LARS2: variants seen among roughly 807,000 people sequenced by gnomAD.
LARS2 encodes leucine--tRNA ligase, mitochondrial.
A neutral mutation model predicts 116.6 loss-of-function variants in LARS2; 81 were observed. That is an observed-to-expected ratio of 0.69 (90% CI 0.58 to 0.84). The LOEUF (loss-of-function observed/expected upper bound fraction) is 0.84. LARS2 is among the 40% of genes least tolerant of loss of function. The pLI is 0.00. For missense variants in LARS2, 968 were observed against 1,114.5 expected (o/e 0.87, Z 1.87); for synonymous variants, 396 against 407.2 (o/e 0.97, Z 0.33).
At chr3:45,535,763 CACACCCCCACACCCACAT>C (rs1451694053) in intron 20 of LARS2, among the ~76,000 whole-genome samples, 16 of 36,444 alleles carry the variant, frequency 4.4e-4, no homozygotes, top group African/African-American at 6.7e-4. Context: ...CACACACACA[CACACCCCCACACCCACAT>C]ACACACACAT....
At chr3:45,410,225 C>G (rs1210761971) in intron 4 of LARS2, among the ~76,000 whole-genome samples, 2 of 151,972 alleles carry the variant, frequency 1.3e-5, no homozygotes, top group Non-Finnish European at 2.9e-5. Flanking sequence ...GAATTTAAAG[C>G]ACAGCTGGAA....
Position 45,517,910 on chromosome 3 carries a change from T to C in LARS2, c.2052T>C (p.Ala684=). 6.2e-7 allele frequency: 1 copy of C among 1,611,252 alleles called. No individual in the cohort carries two copies. The highest frequency in any genetic ancestry group is 8.5e-7 in the Non-Finnish European group (1 of 1,178,926). The change falls in exon 18 of 22, where the codon GCT becomes GCC. Residue 684 remains alanine (A), a synonymous_variant. Coordinates refer to ENST00000645846, the MANE Select transcript of LARS2 (RefSeq NM_015340.4). ...KDILWDVKTD[A]LPGVLRWQQR... Reference sequence around the variant, plus strand: ...TACTGATGCTGAATTCAGCTGATGCTCTCCCTGGGGTGCTGAGATGGCAAC... The same window carrying C: ...TACTGATGCTGAATTCAGCTGATGCCCTCCCTGGGGTGCTGAGATGGCAAC...
chr3:45,547,765 T>C lies in LARS2; in HGVS notation c.*235T>C. 2.3e-6 allele frequency: 1 copy of C among 427,942 alleles called. No homozygotes were observed. The highest frequency in any genetic ancestry group is 4.1e-6 in the Non-Finnish European group (1 of 241,308). The allele number at this position is 427,942 out of a possible 1,614,324, so 26.5% of individuals were successfully genotyped here. On this transcript the variant is annotated 3_prime_UTR_variant, in exon 22 of 22. Transcript: ENST00000645846. ...GAGCTACTGAGGAGGGGGTTGGACA[T>C]CCTGCCCCTCACCCCCCACCCACAC... is the stretch of plus-strand genomic sequence containing the variant.
At position 45,417,533 on chromosome 3, in the gene LARS2, G is replaced by A. The variant is rs150836537; in HGVS notation, c.415G>A (p.Ala139Thr). Reference sequence around the variant, plus strand: ...TTTTGGATTGCCTGCTGAAAATGCCGCAGTCGAGAGGAATCTACATCCACA... The same window carrying A: ...TTTTGGATTGCCTGCTGAAAATGCCACAGTCGAGAGGAATCTACATCCACA... ...DAFGLPAENAAVERNLHPQSW... is the reference protein window; with the variant it reads ...DAFGLPAENATVERNLHPQSW... Residue 139 changes from alanine to threonine, a missense_variant, in exon 5 of 22, where the codon GCA becomes ACA. Ala to Thr is a moderately conservative substitution (Grantham distance 58, BLOSUM62 0). Coordinates refer to ENST00000645846, the MANE Select transcript of LARS2 (RefSeq NM_015340.4). The A allele has an allele frequency of 8.1e-6, 13 of 1,613,932 alleles. No individual in the cohort carries two copies. Among genetic ancestry groups the A allele is most frequent in the African/African-American group, 1.3e-5 (1 of 74,892 alleles).
intron 21 of LARS2, among the ~76,000 whole-genome samples, chr3:45,545,446 C>G (rs1700862122): frequency 6.6e-6 from 1 of 152,230 alleles, no homozygotes; most frequent in Admixed American, 6.5e-5. Context: ...CCTCTTTGGG[C>G]CCTTGAAGCT....
At chr3:45,508,267 C>A (rs1280948986) in intron 15 of LARS2, among the ~76,000 whole-genome samples, 2 of 152,018 alleles carry the variant, frequency 1.3e-5, no homozygotes, top group Non-Finnish European at 2.9e-5. Context: ...CACAGCAAGC[C>A]CCTATCCACA....
intron 19 of LARS2, 73 bp from the exon 20 acceptor site, chr3:45,523,924 T>G (rs140727405): frequency 3.9e-5 from 43 of 1,090,582 alleles, no homozygotes; most frequent in Non-Finnish European, 5.1e-5. Context: ...GGACTTCAGA[T>G]ACATTAATGG....
intron 20 of LARS2, among the ~76,000 whole-genome samples, chr3:45,527,460 T>C (rs1230158172): frequency 1.3e-5 from 2 of 152,106 alleles, no homozygotes; most frequent in African/African-American, 2.4e-5. Context: ...CCGTCTCTAC[T>C]AAATATACAA....
rs376354927 is a variant in LARS2 at position 45,506,236 on chromosome 3, T to C, written c.1760+5657T>C. 4.0e-4 allele frequency among the ~76,000 whole-genome samples: 61 copies of C among 152,244 alleles called. No individual in the cohort carries two copies. In the East Asian group the frequency reaches 0.01, roughly 25 times the overall value. On this transcript the variant is annotated intron_variant, in intron 15 of 21. Transcript: ENST00000645846. ...AGTCATCTTAACTGTTACTCAGTGC[T>C]GCTGTCAGCATTACTCTTGTTGGAT... is the stretch of plus-strand genomic sequence containing the variant.
chr3:45,543,321 TATTTA>T (rs1700824542), intron 21 of LARS2, among the ~76,000 whole-genome samples: 1 of 152,082 alleles, frequency 6.6e-6, no homozygotes, highest in African/African-American at 2.4e-5. Flanking sequence ...TTATTATTAT[TATTTA>T]ATAGAGACAA....
At chr3:45,439,541 T>A (rs1698870218) in intron 6 of LARS2, among the ~76,000 whole-genome samples, 1 of 151,826 alleles carries the variant, frequency 6.6e-6, no homozygotes, top group South Asian at 2.1e-4. Context: ...TTTAAACAGC[T>A]GGCCATTGAG....
chr3:45,419,976 C>G (rs1185584313), intron 6 of LARS2, among the ~76,000 whole-genome samples: 1 of 152,148 alleles, frequency 6.6e-6, no homozygotes, highest in East Asian at 1.9e-4. Flanking sequence ...TTCTGTGTGG[C>G]AAAAGCTTTG....
At chr3:45,447,539 G>C (rs922218447) in intron 7 of LARS2, among the ~76,000 whole-genome samples, 1 of 151,764 alleles carries the variant, frequency 6.6e-6, no homozygotes, top group Non-Finnish European at 1.5e-5. Flanking sequence ...CAAATTCTCT[G>C]TGTGTGTGTG....
chr3:45,396,494 A>G (rs1195942541), intron 3 of LARS2, among the ~76,000 whole-genome samples: 1 of 152,260 alleles, frequency 6.6e-6, no homozygotes, highest in Non-Finnish European at 1.5e-5. Context: ...TGGTGTGTCT[A>G]TCAGGACCTG....
At chr3:45,424,079 A>AT (rs1418954780) in intron 6 of LARS2, among the ~76,000 whole-genome samples, 2 of 152,210 alleles carry the variant, frequency 1.3e-5, no homozygotes, top group Non-Finnish European at 2.9e-5. Context: ...CTTCGGTACA[A>AT]TACTATTATT....
At chr3:45,466,587 C>T (rs1408542759) in intron 8 of LARS2, among the ~76,000 whole-genome samples, 1 of 152,118 alleles carries the variant, frequency 6.6e-6, no homozygotes, top group African/African-American at 2.4e-5. Flanking sequence ...GGCTGATTGC[C>T]ATCCTGAGGT....
chr3:45,517,836 G>T, intron 17 of LARS2, 67 bp from the exon 18 acceptor site: 1 of 1,324,202 alleles, frequency 7.6e-7, no homozygotes, highest in Non-Finnish European at 1.1e-6. Flanking sequence ...TCTCTGCTTA[G>T]TTATACCAAG....
At chr3:45,444,991 AT>A (rs1698995450) in intron 6 of LARS2, among the ~76,000 whole-genome samples, 1 of 152,280 alleles carries the variant, frequency 6.6e-6, no homozygotes, top group Admixed American at 6.5e-5. Flanking sequence ...GTGGGTAAAG[AT>A]TTTTTAAAAA....
At chr3:45,526,395 TAAAG>T (rs1700531631) in intron 20 of LARS2, among the ~76,000 whole-genome samples, 1 of 152,066 alleles carries the variant, frequency 6.6e-6, no homozygotes, top group Non-Finnish European at 1.5e-5. Flanking sequence ...TTAGAAAACA[TAAAG>T]AAAGCCTGTG....
Sources: gnomAD v4.1 joint callset for allele counts (sites outside exome capture counted in the v4.1 genomes callset) on GRCh38, gnomAD v4.1.1 for gene constraint, MANE v1.5 for transcripts, NCBI Gene and HGNC (gene_info 2026-07-23, HGNC 2026-07-21) for gene names.